Variants in L3MBTL1 observed in about 807,000 individuals in gnomAD.
L3MBTL1 encodes the protein L3MBTL histone methyl-lysine binding protein 1, also known as lethal(3)malignant brain tumor-like protein 1.
Under a neutral mutation model 105.3 loss-of-function variants are expected in L3MBTL1, and 75 were observed. The ratio of observed to expected loss-of-function variants is 0.71; its 90% CI spans 0.59 to 0.86. The LOEUF is 0.86. L3MBTL1 is among the 40% of genes least tolerant of loss of function. The pLI, the probability that L3MBTL1 is intolerant of heterozygous loss-of-function variation, is 0.00. For missense variants in L3MBTL1, 1,069 were observed against 1,126.4 expected (o/e 0.95, Z 0.73); for synonymous variants, 452 against 436.2 (o/e 1.04, Z -0.45).
chr20:43,524,702 A>G (rs776141827), intron 7 of L3MBTL1, among the ~76,000 whole-genome samples: 31 of 148,440 alleles, frequency 2.1e-4, no homozygotes, highest in Non-Finnish European at 4.5e-4. Context: ...TGCTGGAACT[A>G]TGGCTACGTC....
At position 43,530,801 on chromosome 20, in the gene L3MBTL1, A is replaced by C; in HGVS notation, c.1196A>C (p.Tyr399Ser). ...TCATGCCCCTCGAGGGGCCTAGGTT[A>C]CAAGGAGGAGGAGTTCAGCTGGAGC... ...TGHKLQPPKG[Y>S]KEEEFSWSQY... is the part of the protein sequence containing the mutation. Residue 399 changes from tyrosine to serine, a missense_variant, in exon 11 of 22, where the codon TAC (tyrosine) becomes TCC (serine). By Grantham distance (144) the Tyr-to-Ser change is moderately radical. Coordinates refer to ENST00000418998, the MANE Select transcript of L3MBTL1 (RefSeq NM_001377303.1). 1.2e-6 allele frequency: 2 copies of C among 1,613,974 alleles called. No individual in the cohort carries two copies. Among genetic ancestry groups the C allele is most frequent in the Non-Finnish European group, 1.7e-6 (2 of 1,179,954 alleles).
intron 1 of L3MBTL1, among the ~76,000 whole-genome samples, chr20:43,509,296 C>T (rs1287871095): frequency 6.6e-6 from 1 of 151,978 alleles, no homozygotes; most frequent in East Asian, 1.9e-4. Context: ...GTGATCATAG[C>T]TCACTGCAGC....
At chr20:43,533,285 T>C in intron 12 of L3MBTL1, 57 bp from the exon 13 acceptor site, 1 of 1,499,640 alleles carries the variant, frequency 6.7e-7, no homozygotes, top group Non-Finnish European at 9.2e-7. Context: ...TTTCAGAGGA[T>C]GGCAGGCTCA....
intron 17 of L3MBTL1, 80 bp downstream of exon 17, chr20:43,536,016 A>G: frequency 6.3e-7 from 1 of 1,592,818 alleles, no homozygotes; most frequent in Non-Finnish European, 8.6e-7. Flanking sequence ...CCACCAAAAC[A>G]CACTCCAGCT....
Position 43,533,355 on chromosome 20 carries a change from A to G in L3MBTL1, c.1450A>G (p.Ser484Gly), listed in dbSNP as rs756290399. The G allele has an allele frequency of 1.2e-6, 2 of 1,613,946 alleles. No individual in the cohort carries two copies. The highest frequency in any genetic ancestry group is 1.7e-4 in the Middle Eastern group (1 of 6,058). Reference protein sequence around the residue: ...DTYDYWCDPSSPYIHPVGWCQ... With the variant: ...DTYDYWCDPSGPYIHPVGWCQ... ...CTTGGATTTCAGGTGTGATCCCAGC[A>G]GCCCCTACATCCACCCAGTGGGCTG... The change falls in exon 13 of 22, where the codon AGC becomes GGC. Residue 484 changes from serine (S) to glycine (G), a missense_variant. Ser to Gly is a moderately conservative substitution (Grantham distance 56). Coordinates refer to ENST00000418998, the MANE Select transcript of L3MBTL1 (RefSeq NM_001377303.1).
At position 43,522,456 on chromosome 20, in the gene L3MBTL1, A is replaced by ATTTTTTTTTTTTTTTTTTTTTTTTTTTTT. The variant is rs778355165; in HGVS notation, c.863-6201_863-6200insTTTTTTTTTTTTTTTTTTTTTTTTTTTTT. On this transcript the variant is annotated intron_variant, in intron 7 of 21. Transcript: ENST00000418998. The stretch of plus-strand genomic sequence containing the variant: ...ATGGTAACTGAATTTTTCCCTGCTA[A>ATTTTTTTTTTTTTTTTTTTTTTTTTTTTT]GTTTTTTTTTTTTTTTTTTTTTTTT... Among the ~76,000 whole-genome samples the ATTTTTTTTTTTTTTTTTTTTTTTTTTTTT allele has an allele frequency of 1.0e-4, 9 of 89,942 alleles. 3 individuals are homozygous for ATTTTTTTTTTTTTTTTTTTTTTTTTTTTT. The highest frequency in any genetic ancestry group is 1.4e-4 in the Non-Finnish European group (6 of 43,196). 59.0% of individuals were successfully genotyped at this position (89,942 alleles called of 152,430 possible).
At chr20:43,509,579 C>A (rs919688727) in intron 1 of L3MBTL1, among the ~76,000 whole-genome samples, 3 of 152,180 alleles carry the variant, frequency 2.0e-5, no homozygotes, top group Non-Finnish European at 4.4e-5. Context: ...CAAATTTATA[C>A]CTCCAGCCCC....
At chr20:43,543,738 C>T (rs146738216), downstream of L3MBTL1, among the ~76,000 whole-genome samples, 28 of 152,276 alleles carry the variant, frequency 1.8e-4, no homozygotes, top group East Asian at 5.2e-3. Context: ...GGACACAGAC[C>T]AGCCAGTAGA....
intron 3 of L3MBTL1, 63 bp downstream of exon 3, chr20:43,514,124 C>T (rs2018227277): frequency 2.2e-6 from 3 of 1,379,024 alleles, no homozygotes; most frequent in East Asian, 5.0e-5. Context: ...GGCTTGCAGG[C>T]CCGGAGGCTG....
At chr20:43,530,555 C>A in intron 10 of L3MBTL1, 136 bp downstream of exon 10, 2 of 1,035,076 alleles carry the variant, frequency 1.9e-6, no homozygotes, top group Non-Finnish European at 1.4e-6. Flanking sequence ...CTCTTCATCG[C>A]ATCCTGATGA....
chr20:43,528,511 A>C lies in L3MBTL1; in HGVS notation c.863-146A>C, dbSNP rs921608296. 5 of 646,382 alleles carry C rather than the reference A, an allele frequency of 7.7e-6. No individual in the cohort carries two copies. The African/African-American group carries it at 9.0e-5, about 12-fold the overall frequency. 40.0% of individuals were successfully genotyped at this position (646,382 alleles called of 1,614,324 possible). Reference sequence around the variant, plus strand: ...TCCCCTCAGCCCCGTGTCTGGCACCATCATGGTGGGTGGGACCAGAGGGTA... The same window carrying C: ...TCCCCTCAGCCCCGTGTCTGGCACCCTCATGGTGGGTGGGACCAGAGGGTA... On this transcript the variant is annotated intron_variant, in intron 7 of 21. Transcript: ENST00000418998.
intron 13 of L3MBTL1, 77 bp downstream of exon 13, chr20:43,533,495 T>C: frequency 8.1e-7 from 1 of 1,238,752 alleles, no homozygotes; most frequent in Non-Finnish European, 1.2e-6. Flanking sequence ...TCACCAGTAG[T>C]GCCCCAGTAG....
intron 19 of L3MBTL1, 94 bp from the exon 20 acceptor site, chr20:43,540,057 C>T: frequency 6.8e-7 from 1 of 1,479,350 alleles, no homozygotes; most frequent in Non-Finnish European, 9.3e-7. Context: ...GTCTACTCTG[C>T]CAGCCAGTCT....
At chr20:43,530,190 C>A in intron 9 of L3MBTL1, 94 bp from the exon 10 acceptor site, 1 of 1,524,958 alleles carries the variant, frequency 6.6e-7, no homozygotes, top group Non-Finnish European at 9.0e-7. Context: ...CATTAGAGCC[C>A]CTGAGACCAC....
chr20:43,513,772 A>G lies in L3MBTL1; in HGVS notation c.137-66A>G, dbSNP rs1301530469. The G allele has an allele frequency of 8.5e-6, 13 of 1,537,924 alleles. No individual in the cohort carries two copies. In the East Asian group the frequency reaches 1.5e-4, roughly 17 times the overall value. ...CCTTCCTTCACATGCCTACACATGC[A>G]TGGCCGGATTGAGGTAGGGCCACTA... On this transcript the variant is annotated intron_variant, in intron 2 of 21. Coordinates refer to ENST00000418998, the MANE Select transcript of L3MBTL1 (RefSeq NM_001377303.1).
At chr20:43,528,773 C>G (rs1258624048) in intron 8 of L3MBTL1, 28 bp downstream of exon 8, 1 of 1,550,760 alleles carries the variant, frequency 6.4e-7, no homozygotes, top group East Asian at 2.2e-5. Context: ...CCCGTAGGAA[C>G]AGCTTGTCTT....
chr20:43,532,643 T>C, intron 11 of L3MBTL1, 130 bp from the exon 12 acceptor site: 2 of 1,003,992 alleles, frequency 2.0e-6, no homozygotes, highest in Non-Finnish European at 2.9e-6. Context: ...TCCCAGCTTA[T>C]TTCTCCTTCC....
At chr20:43,508,172 G>A (rs1443421824) in intron 1 of L3MBTL1, among the ~76,000 whole-genome samples, 1 of 151,666 alleles carries the variant, frequency 6.6e-6, no homozygotes, top group African/African-American at 2.4e-5. Flanking sequence ...AATGGAATAT[G>A]GAATTTTTTT....
intron 11 of L3MBTL1, chr20:43,531,347 A>C (rs2145453414): frequency 6.4e-6 from 1 of 157,066 alleles, no homozygotes; most frequent in Admixed American, 6.1e-5. Flanking sequence ...GGCAGCTGGC[A>C]GCTTATCCAG....
Sources: gnomAD v4.1 joint callset for allele counts (sites outside exome capture counted in the v4.1 genomes callset) on GRCh38, gnomAD v4.1.1 for gene constraint, MANE v1.5 for transcripts, NCBI Gene and HGNC (gene_info 2026-07-23, HGNC 2026-07-21) for gene names.